The following TSC22D3 variants were observed in gnomAD, a reference collection of about 807,000 sequenced individuals.
The protein encoded by TSC22D3 is TSC22 domain family protein 3.
Under a neutral mutation model 11.1 loss-of-function variants are expected in TSC22D3, and 4 were observed. The ratio of observed to expected loss-of-function variants is 0.36; its 90% CI spans 0.18 to 0.83. The LOEUF is 0.83. Among genes scored for constraint, TSC22D3 ranks in the 40% least tolerant of loss-of-function variants. The pLI is 0.48. For synonymous variants in TSC22D3, 77 were observed against 70.3 expected, an observed-to-expected ratio of 1.10 and a Z score of -0.48; for missense variants, 118 against 159.4, an observed-to-expected ratio of 0.74 and a Z score of 1.40.
chrX:107,770,031 T>C (rs1427406958), intron 1 of TSC22D3, among the ~76,000 whole-genome samples: 3 of 112,570 alleles, frequency 2.7e-5, no homozygotes, highest in Non-Finnish European at 5.6e-5. Flanking sequence ...GAAAGGACTT[T>C]TGAAGCTTGA....
intron 1 of TSC22D3, among the ~76,000 whole-genome samples, chrX:107,718,001 C>T (rs776659067): frequency 1.8e-5 from 2 of 112,155 alleles, no homozygotes; most frequent in Non-Finnish European, 3.8e-5. Context: ...CAAAGGTATA[C>T]ATTTATATAA....
intron 1 of TSC22D3, among the ~76,000 whole-genome samples, chrX:107,741,310 A>T (rs1288455540): frequency 8.9e-6 from 1 of 112,511 alleles, no homozygotes; most frequent in Non-Finnish European, 1.9e-5. Flanking sequence ...GCCACCGTAG[A>T]TCCCCCTTTC....
intron 2 of TSC22D3, among the ~76,000 whole-genome samples, chrX:107,715,590 C>T (rs777901203): frequency 2.7e-5 from 3 of 112,253 alleles, no homozygotes; most frequent in Non-Finnish European, 5.6e-5. Context: ...GCCAGCTGCA[C>T]GATGCACACA....
intron 1 of TSC22D3, among the ~76,000 whole-genome samples, chrX:107,768,787 C>T (rs771373548): frequency 1.8e-5 from 2 of 112,825 alleles, no homozygotes; most frequent in African/African-American, 6.4e-5. Context: ...TAGTTAATGG[C>T]AAGTAATGGT....
intron 1 of TSC22D3, among the ~76,000 whole-genome samples, chrX:107,773,998 G>T (rs1930021073): frequency 8.9e-6 from 1 of 112,153 alleles, no homozygotes; most frequent in Non-Finnish European, 1.9e-5. Flanking sequence ...ACCTTGGAGA[G>T]ACTAGAGAGG....
intron 1 of TSC22D3, among the ~76,000 whole-genome samples, chrX:107,764,243 G>A (rs1293614570): frequency 2.7e-5 from 3 of 112,199 alleles, no homozygotes; most frequent in African/African-American, 6.5e-5. Context: ...GACAGCTTTC[G>A]TGTGTTTCCC....
At chrX:107,756,976 C>G in intron 1 of TSC22D3, among the ~76,000 whole-genome samples, 1 of 112,441 alleles carries the variant, frequency 8.9e-6, no homozygotes, top group Non-Finnish European at 1.9e-5. Flanking sequence ...GGCCACTCCT[C>G]TCCTTCTAGA....
In TSC22D3 at chrX:107,730,771, G is replaced by A. The variant is rs182318643; in HGVS notation, c.321-14821C>T. Among the ~76,000 whole-genome samples the A allele has an allele frequency of 1.8e-4, 20 of 112,292 alleles. 1 individual carries two copies. Among genetic ancestry groups the A allele is most frequent in the Admixed American group, 1.2e-3 (13 of 10,671 alleles). On this transcript the variant is annotated intron_variant, in intron 1 of 2. Transcript: ENST00000372383. ...CGGTCTGTGCAGGGCTGGCCCCCAG[G>A]GTAAACTGTGAAGTAGGAGTCTGTC...
chrX:107,731,064 C>T (rs1282788128), intron 1 of TSC22D3, among the ~76,000 whole-genome samples: 1 of 112,728 alleles, frequency 8.9e-6, no homozygotes, highest in Non-Finnish European at 1.9e-5. Context: ...ACAGGTTTTT[C>T]TCAGTCAGAT....
At chrX:107,716,413 G>A (rs376329005) in intron 1 of TSC22D3, 1 of 962,985 alleles carries the variant, frequency 1.0e-6, no homozygotes, top group Non-Finnish European at 1.3e-6. Flanking sequence ...GCCCAGCCCT[G>A]TCTGGTCCTG....
At chrX:107,717,788 G>T (rs997058060) in intron 1 of TSC22D3, among the ~76,000 whole-genome samples, 3 of 112,212 alleles carry the variant, frequency 2.7e-5, no homozygotes, top group Admixed American at 1.9e-4. Context: ...CTAGGTGGGT[G>T]ACAGAGGAGG....
At chrX:107,716,393 C>A (rs373074152) in intron 1 of TSC22D3, 1 of 930,697 alleles carries the variant, frequency 1.1e-6, no homozygotes. Flanking sequence ...CGGCGCTCGG[C>A]CAGCCCCCTG....
intron 1 of TSC22D3, among the ~76,000 whole-genome samples, chrX:107,764,295 G>A (rs1263176388): frequency 8.9e-6 from 1 of 112,395 alleles, no homozygotes; most frequent in Non-Finnish European, 1.9e-5. Flanking sequence ...GCACATGAAA[G>A]TGTGCAATGA....
intron 1 of TSC22D3, among the ~76,000 whole-genome samples, chrX:107,749,218 CA>C (rs1305879861): frequency 7.3e-5 from 6 of 82,011 alleles, no homozygotes; most frequent in African/African-American, 2.5e-4. Flanking sequence ...CACACACACA[CA>C]CACACAAATT....
chrX:107,742,352 G>T (rs1207805562), intron 1 of TSC22D3, among the ~76,000 whole-genome samples: 1 of 100,692 alleles, frequency 9.9e-6, no homozygotes, highest in African/African-American at 3.6e-5. Flanking sequence ...GTTTAGGAAG[G>T]GGGGAGGGAG....
intron 1 of TSC22D3, among the ~76,000 whole-genome samples, chrX:107,745,575 C>T (rs1367737532): frequency 1.8e-5 from 2 of 112,474 alleles, no homozygotes; most frequent in Non-Finnish European, 3.8e-5. Context: ...GTTTGTACTT[C>T]TCTCCTGCTT....
At chrX:107,724,221 G>A (rs1927497184) in intron 1 of TSC22D3, among the ~76,000 whole-genome samples, 1 of 112,567 alleles carries the variant, frequency 8.9e-6, no homozygotes, top group Admixed American at 9.3e-5. Flanking sequence ...AGCTGGGGTG[G>A]GGGCAGTGGC....
chrX:107,745,707 G>C (rs1928618264), intron 1 of TSC22D3, among the ~76,000 whole-genome samples: 1 of 112,504 alleles, frequency 8.9e-6, no homozygotes, highest in South Asian at 3.7e-4. Flanking sequence ...TCTTGAAAGA[G>C]AGAACCACTT....
intron 1 of TSC22D3, among the ~76,000 whole-genome samples, chrX:107,748,511 G>C (rs981791745): frequency 1.8e-5 from 2 of 111,675 alleles, no homozygotes; most frequent in African/African-American, 6.5e-5. Flanking sequence ...CTTCTGAAAT[G>C]GTTCACAAAT....
Sources: allele counts gnomAD v4.1 joint callset (sites outside exome capture counted in the v4.1 genomes callset), GRCh38; gene constraint gnomAD v4.1.1; transcripts MANE v1.5; gene names NCBI Gene and HGNC (gene_info 2026-07-23, HGNC 2026-07-21).